The following ARHGEF10L variants were observed in gnomAD, a reference collection of about 807,000 sequenced individuals.
ARHGEF10L encodes the protein rho guanine nucleotide exchange factor 10-like protein.
ARHGEF10L carries 69 observed loss-of-function variants against 141.2 expected under a neutral mutation model. That is an observed-to-expected ratio of 0.49 (90% CI 0.40 to 0.60). The LOEUF is 0.60. ARHGEF10L is among the 20% of genes least tolerant of loss of function. ARHGEF10L has a pLI of 0.00. For synonymous variants in ARHGEF10L, 711 were observed against 718.5 expected (o/e 0.99, Z 0.17); for missense variants, 1,482 against 1,734.3 (o/e 0.85, Z 2.58).
At position 17,656,059 on chromosome 1, in the gene ARHGEF10L, G is replaced by A. The variant is rs747957617; in HGVS notation, c.2662G>A (p.Ala888Thr). The A allele has an allele frequency of 6.4e-7, 1 of 1,564,428 alleles. No individual in the cohort carries two copies. The highest frequency in any genetic ancestry group is 8.7e-7 in the Non-Finnish European group (1 of 1,154,130). The change falls in exon 24 of 29, where the codon GCC becomes ACC. Residue 888 changes from alanine (A) to threonine (T), a missense_variant. This residue lies in a region of ARHGEF10L where 858 missense variants were observed against 966.3 expected (regional missense o/e 0.89). Coordinates refer to ENST00000361221, the MANE Select transcript of ARHGEF10L (RefSeq NM_018125.4). The surrounding 1 kb of genome is among the most constrained non-coding windows in gnomAD (Gnocchi z 4.9). ...DESPTVADPS[A>T]TVHPTICLGL... ...GAGCCCGACAGTTGCTGACCCCTCG[G>A]CCACGGTGCATCCAACCATCTGCCT...
At chr1:17,606,550 T>C (rs2081191265) in intron 6 of ARHGEF10L, among the ~76,000 whole-genome samples, 1 of 151,622 alleles carries the variant, frequency 6.6e-6, no homozygotes, top group Admixed American at 6.6e-5. Context: ...CATCTCAGCC[T>C]CCCAAAGTGG....
In ARHGEF10L at chr1:17,670,779, A is replaced by T. The variant is rs548648578; in HGVS notation, c.3009+6184A>T. On this transcript the variant is annotated intron_variant, in intron 26 of 28. Coordinates refer to ENST00000361221, the MANE Select transcript of ARHGEF10L (RefSeq NM_018125.4). Reference sequence around the variant, plus strand: ...CGCTGGGCCCATTTTACAGATGGGGATGTGGACTAGAAGCCAGGCCCTTTG... The same window carrying T: ...CGCTGGGCCCATTTTACAGATGGGGTTGTGGACTAGAAGCCAGGCCCTTTG... 2.0e-5 allele frequency among the ~76,000 whole-genome samples: 3 copies of T among 152,344 alleles called. No individual in the cohort carries two copies. In the East Asian group the frequency reaches 5.8e-4, roughly 29 times the overall value.
intron 26 of ARHGEF10L, among the ~76,000 whole-genome samples, chr1:17,674,829 A>G (rs753806550): frequency 6.6e-6 from 1 of 152,170 alleles, no homozygotes; most frequent in South Asian, 2.1e-4. Context: ...TGCAGTGTTC[A>G]GTACCGTCTC....
intron 21 of ARHGEF10L, among the ~76,000 whole-genome samples, chr1:17,643,976 C>T (rs1429917596): frequency 1.3e-5 from 2 of 152,118 alleles, no homozygotes; most frequent in Non-Finnish European, 2.9e-5. Flanking sequence ...GTAGGGGGCT[C>T]CCTCATTTCC....
intron 2 of ARHGEF10L, among the ~76,000 whole-genome samples, chr1:17,586,334 G>A (rs776204588): frequency 1.1e-4 from 17 of 152,244 alleles, no homozygotes; most frequent in Non-Finnish European, 2.4e-4. Flanking sequence ...AGGGCCATGT[G>A]AGCGCAGAGC....
At chr1:17,530,748 G>A in the ARHGEF10L span, among the ~76,000 whole-genome samples, 4 of 152,292 alleles carry the variant, frequency 2.6e-5, no homozygotes, top group South Asian at 2.1e-4. Flanking sequence ...GGGCGTGGTG[G>A]CTCACGCCTG....
Position 17,640,302 on chromosome 1 carries a change from C to A in ARHGEF10L, c.2272C>A (p.Arg758=). The A allele has an allele frequency of 1.2e-6, 2 of 1,609,848 alleles. No individual in the cohort carries two copies. The highest frequency in any genetic ancestry group is 1.7e-6 in the Non-Finnish European group (2 of 1,177,602). Residue 758 remains arginine, a splice_region_variant and synonymous_variant, in exon 21 of 29, where the codon CGG becomes AGG. Transcript: ENST00000361221. ...GTTACATTTGGCCAAAATCGGACTCCGTGAGTATAGCCCCAGGGAGAGTGC... is the reference window on the plus strand; with the variant it reads ...GTTACATTTGGCCAAAATCGGACTCAGTGAGTATAGCCCCAGGGAGAGTGC... ...NRLHLAKIGL[R]EENQPGWLCP...
At chr1:17,527,857 CTTTCTTTCTTTTCTT>C in the ARHGEF10L span, among the ~76,000 whole-genome samples, 2 of 52,926 alleles carry the variant, frequency 3.8e-5, no homozygotes, top group Admixed American at 3.2e-4. Context: ...GCTTTTCTTT[CTTTCTTTCTTTTCTT>C]TTTTTTTTTT....
intron 1 of ARHGEF10L, among the ~76,000 whole-genome samples, chr1:17,560,981 G>C (rs1408630249): frequency 3.3e-5 from 5 of 152,236 alleles, no homozygotes; most frequent in Non-Finnish European, 5.9e-5. Flanking sequence ...AGGTTTAGGG[G>C]CTCCAGGACT....
Position 17,687,571 on chromosome 1 carries a change from A to G in ARHGEF10L, c.3010-2A>G. The G allele has an allele frequency of 1.2e-6, 2 of 1,612,812 alleles. No individual in the cohort carries two copies. The highest frequency in any genetic ancestry group is 1.7e-6 in the Non-Finnish European group (2 of 1,179,910). On this transcript the variant is annotated splice_acceptor_variant, in intron 26 of 28. Coordinates refer to ENST00000361221, the MANE Select transcript of ARHGEF10L (RefSeq NM_018125.4). LOFTEE classifies it high-confidence loss of function. ...ATCGACACTCCTCCCTTTGTGCCAC[A>G]GCAAAGCTTCGAGGCGCACCAGGAC...
intron 1 of ARHGEF10L, among the ~76,000 whole-genome samples, chr1:17,562,577 G>A (rs1441179265): frequency 1.3e-5 from 2 of 152,252 alleles, no homozygotes. Flanking sequence ...TTCCTGGCTA[G>A]TGAGAGCAGT....
At chr1:17,606,672 A>G (rs1406129724) in intron 6 of ARHGEF10L, among the ~76,000 whole-genome samples, 1 of 152,076 alleles carries the variant, frequency 6.6e-6, no homozygotes, top group East Asian at 1.9e-4. Context: ...CTGTGATGAC[A>G]AAAGCATTTT....
chr1:17,614,523 G>A (rs1355492873), intron 8 of ARHGEF10L, among the ~76,000 whole-genome samples: 1 of 152,202 alleles, frequency 6.6e-6, no homozygotes, highest in Non-Finnish European at 1.5e-5. Context: ...TCGCAGGACA[G>A]CACCACTGAT....
the ARHGEF10L span, among the ~76,000 whole-genome samples, chr1:17,514,965 A>C: frequency 6.6e-6 from 1 of 152,162 alleles, no homozygotes; most frequent in South Asian, 2.1e-4. Context: ...TGAGGGAGCG[A>C]CTTGTTCCCT....
At chr1:17,674,216 G>C (rs1181773154) in intron 26 of ARHGEF10L, among the ~76,000 whole-genome samples, 2 of 152,106 alleles carry the variant, frequency 1.3e-5, no homozygotes, top group East Asian at 3.9e-4. Context: ...CCTTCTGCCT[G>C]ACCCTGAGCC....
At chr1:17,632,266 C>A in intron 15 of ARHGEF10L, 55 bp from the exon 16 acceptor site, 1 of 1,602,766 alleles carries the variant, frequency 6.2e-7, no homozygotes, top group Non-Finnish European at 8.5e-7. Context: ...GTCTCCGGCG[C>A]GGTAAAGCCG....
At chr1:17,687,512 T>TCCCC in intron 26 of ARHGEF10L, 61 bp from the exon 27 acceptor site, 1 of 1,588,750 alleles carries the variant, frequency 6.3e-7, no homozygotes, top group South Asian at 1.1e-5. Context: ...GGGTGGGGGC[T>TCCCC]TGTAGGGAGG....
the ARHGEF10L span, among the ~76,000 whole-genome samples, chr1:17,526,901 C>T: frequency 3.0e-5 from 2 of 65,658 alleles, no homozygotes; most frequent in African/African-American, 1.0e-4. Context: ...GAGACCCTGT[C>T]TCCAAAAGAA....
chr1:17,643,705 C>T (rs2061441735), intron 21 of ARHGEF10L, among the ~76,000 whole-genome samples: 1 of 152,172 alleles, frequency 6.6e-6, no homozygotes, highest in Admixed American at 6.5e-5. Flanking sequence ...GTGCCCCCTG[C>T]ACAGGGCTCT....
Sources: gnomAD v4.1 joint callset for allele counts (sites outside exome capture counted in the v4.1 genomes callset) on GRCh38, gnomAD v4.1.1 for gene constraint, gnomAD v4.1.1 regional missense constraint, Gnocchi (gnomAD v3.1) non-coding constraint, MANE v1.5 for transcripts, NCBI Gene and HGNC (gene_info 2026-07-23, HGNC 2026-07-21) for gene names.